The following OCIAD1 variants were observed in gnomAD, a reference collection of about 807,000 sequenced individuals.
OCIAD1 encodes OCIA domain-containing protein 1.
OCIAD1 carries 29 observed loss-of-function variants against 38.9 expected under a neutral mutation model. That is an observed-to-expected ratio of 0.74 (90% CI 0.55 to 1.02). The LOEUF (loss-of-function observed/expected upper bound fraction) is 1.02. Among genes scored for constraint, OCIAD1 ranks in the 50% least tolerant of loss-of-function variants. The pLI is 0.00. For missense variants in OCIAD1, 288 were observed against 289.6 expected, an observed-to-expected ratio of 0.99 and a Z score of 0.04; for synonymous variants, 110 against 92.0, an observed-to-expected ratio of 1.20 and a Z score of -1.12.
At chr4:48,807,839 C>T (rs1777044571) in intron 1 of OCIAD1, among the ~76,000 whole-genome samples, 1 of 152,168 alleles carries the variant, frequency 6.6e-6, no homozygotes. Flanking sequence ...GGGTGTTTCC[C>T]AGGGTTCATT....
At chr4:48,818,400 G>C (rs376965515) in intron 1 of OCIAD1, among the ~76,000 whole-genome samples, 1 of 152,040 alleles carries the variant, frequency 6.6e-6, no homozygotes, top group African/African-American at 2.4e-5. Context: ...GGACCCCCAC[G>C]TAAAGACTCC....
intron 3 of OCIAD1, among the ~76,000 whole-genome samples, chr4:48,839,610 G>A (rs992333438): frequency 6.6e-6 from 1 of 152,052 alleles, no homozygotes; most frequent in East Asian, 1.9e-4. Flanking sequence ...AGGGATTAAT[G>A]CAATTTAATT....
intron 1 of OCIAD1, 186 bp downstream of exon 1, chr4:48,831,435 T>C (rs909696795): frequency 6.6e-6 from 8 of 1,220,018 alleles, no homozygotes; most frequent in Non-Finnish European, 4.3e-6. Context: ...TCTGGGGGTG[T>C]GAGCTGGGGA....
chr4:48,812,937 T>G (rs1777106003), intron 1 of OCIAD1, among the ~76,000 whole-genome samples: 2 of 152,104 alleles, frequency 1.3e-5, no homozygotes, highest in Admixed American at 6.6e-5. Context: ...GTACCTTGAG[T>G]AGGTGAATAC....
intron 1 of OCIAD1, among the ~76,000 whole-genome samples, chr4:48,808,815 C>T (rs922559672): frequency 2.0e-5 from 3 of 152,168 alleles, no homozygotes; most frequent in Non-Finnish European, 4.4e-5. Flanking sequence ...TCAGCACATC[C>T]AGCACTCAGC....
chr4:48,846,716 C>G (rs974777999), intron 4 of OCIAD1, among the ~76,000 whole-genome samples: 4 of 151,442 alleles, frequency 2.6e-5, no homozygotes, highest in Non-Finnish European at 5.9e-5. Context: ...CCACTGCACT[C>G]CAGCCTGGGG....
At chr4:48,834,518 G>T (rs1408010345) in intron 3 of OCIAD1, among the ~76,000 whole-genome samples, 5 of 152,100 alleles carry the variant, frequency 3.3e-5, no homozygotes, top group African/African-American at 1.2e-4. Context: ...GGCTATAATT[G>T]CAGCACTTTG....
At chr4:48,851,757 T>G (rs1437779279) in intron 6 of OCIAD1, 49 bp from the exon 7 acceptor site, 3 of 1,042,574 alleles carry the variant, frequency 2.9e-6, no homozygotes, top group Non-Finnish European at 4.4e-6. Context: ...TTCTTTAAGA[T>G]ATAGGCAATG....
intron 1 of OCIAD1, among the ~76,000 whole-genome samples, chr4:48,815,139 C>G (rs1777132521): frequency 6.6e-6 from 1 of 152,022 alleles, no homozygotes; most frequent in African/African-American, 2.4e-5. Context: ...TAGTGAAACC[C>G]CATCTCTACT....
chr4:48,828,065 A>C (rs113760346), upstream of OCIAD1, among the ~76,000 whole-genome samples: 1,016 of 152,314 alleles, frequency 6.7e-3, 7 homozygotes, highest in Non-Finnish European at 0.012. Context: ...AAATGCACCA[A>C]TCAGTGCTCT....
In OCIAD1 at chr4:48,847,571, A is replaced by T. The variant is rs185527095; in HGVS notation, c.194-828A>T. On this transcript the variant is annotated intron_variant, in intron 4 of 8. Transcript: ENST00000264312. ...ATATTTAAATTTTTAAGCCATCTGG[A>T]TTATTGTTCGATGTAGGATCAAGGT... 3.6e-3 allele frequency among the ~76,000 whole-genome samples: 548 copies of T among 152,224 alleles called. 14 individuals are homozygous for T. Among genetic ancestry groups the T allele is most frequent in the Non-Finnish European group, 7.4e-4 (50 of 68,012 alleles).
intron 3 of OCIAD1, among the ~76,000 whole-genome samples, chr4:48,836,989 T>G (rs1194131723): frequency 2.0e-5 from 3 of 152,244 alleles, no homozygotes; most frequent in Non-Finnish European, 4.4e-5. Context: ...TCTTTTTTTT[T>G]GAGACGGAGT....
intron 6 of OCIAD1, 94 bp from the exon 7 acceptor site, chr4:48,851,712 G>C: frequency 1.7e-6 from 1 of 602,232 alleles, no homozygotes; most frequent in Non-Finnish European, 2.8e-6. Context: ...ATATAATTTT[G>C]GAAATAAGCT....
At chr4:48,840,831 TA>T (rs1778449877) in intron 3 of OCIAD1, among the ~76,000 whole-genome samples, 2 of 86,090 alleles carry the variant, frequency 2.3e-5, no homozygotes, top group African/African-American at 9.3e-5. Context: ...ACCTCATCTC[TA>T]CAAAAAAAAA....
At chr4:48,809,270 C>G (rs1275956920) in intron 1 of OCIAD1, among the ~76,000 whole-genome samples, 1 of 152,102 alleles carries the variant, frequency 6.6e-6, no homozygotes, top group African/African-American at 2.4e-5. Flanking sequence ...GCCTGTAATC[C>G]CAGCATTTTG....
At chr4:48,833,331 CTAAGA>C (rs1359961347) in intron 2 of OCIAD1, 65 bp from the exon 3 acceptor site, 1 of 906,214 alleles carries the variant, frequency 1.1e-6, no homozygotes, top group Non-Finnish European at 1.8e-6. Flanking sequence ...AATGTTTAGG[CTAAGA>C]TAATTTTTCA....
chr4:48,824,743 CT>C (rs1452412159), intron 1 of OCIAD1, among the ~76,000 whole-genome samples: 2 of 151,652 alleles, frequency 1.3e-5, no homozygotes, highest in Admixed American at 1.3e-4. Context: ...TTCAAATGAA[CT>C]TTTTTGTTTT....
chr4:48,861,711 T>A lies in OCIAD1; in HGVS notation c.*949T>A, dbSNP rs919820233. The A allele has an allele frequency of 2.6e-5, 4 of 152,222 alleles. No homozygotes were observed. The highest frequency in any genetic ancestry group is 2.9e-5 in the Non-Finnish European group (2 of 68,010). 9.4% of individuals were successfully genotyped at this position (152,222 alleles called of 1,614,324 possible). ...TAAAAAAATAAAAATATAATGAATGTGATTTATGTAGATAAATTGATAATA... is the reference window on the plus strand; with the variant it reads ...TAAAAAAATAAAAATATAATGAATGAGATTTATGTAGATAAATTGATAATA... On this transcript the variant is annotated 3_prime_UTR_variant, in exon 9 of 9. Transcript: ENST00000264312.
At chr4:48,820,050 C>A (rs1489048473) in intron 1 of OCIAD1, among the ~76,000 whole-genome samples, 6 of 152,096 alleles carry the variant, frequency 3.9e-5, no homozygotes, top group Non-Finnish European at 7.3e-5. Flanking sequence ...ACCAATGGGA[C>A]CTAATAGACA....
Sources: gnomAD v4.1 joint callset for allele counts (sites outside exome capture counted in the v4.1 genomes callset) on GRCh38, gnomAD v4.1.1 for gene constraint, MANE v1.5 for transcripts, NCBI Gene and HGNC (gene_info 2026-07-23, HGNC 2026-07-21) for gene names.